Variants in PTPRK observed in about 807,000 individuals in gnomAD.
PTPRK encodes the protein receptor-type tyrosine-protein phosphatase kappa.
In PTPRK, 75 loss-of-function variants were observed where a neutral mutation model predicts 178.0. The ratio of observed to expected loss-of-function variants is 0.42; its 90% CI spans 0.35 to 0.51. The LOEUF is 0.51. Among genes scored for constraint, PTPRK ranks in the 20% least tolerant of loss-of-function variants. The pLI is 0.02. For synonymous variants in PTPRK, 637 were observed against 620.6 expected (o/e 1.03, Z -0.39); for missense variants, 1,441 against 1,797.8 (o/e 0.80, Z 3.59).
At chr6:128,201,505 C>G (rs1446797974) in intron 6 of PTPRK, among the ~76,000 whole-genome samples, 3 of 152,026 alleles carry the variant, frequency 2.0e-5, no homozygotes, top group African/African-American at 7.2e-5. Context: ...CAAATATAAA[C>G]TACATTTGAT....
intron 1 of PTPRK, among the ~76,000 whole-genome samples, chr6:128,445,527 GTA>G (rs773459485): frequency 6.7e-6 from 1 of 149,678 alleles, no homozygotes; most frequent in African/African-American, 2.4e-5. Context: ...TAAAGTATAT[GTA>G]TATATATATA....
intron 1 of PTPRK, among the ~76,000 whole-genome samples, chr6:128,462,232 A>G (rs1268165269): frequency 6.6e-6 from 1 of 152,186 alleles, no homozygotes; most frequent in Admixed American, 6.6e-5. Flanking sequence ...AAAAATCAAT[A>G]AAAGACTCTA....
chr6:128,137,839 AAAGG>A (rs1340482878), intron 7 of PTPRK, among the ~76,000 whole-genome samples: 1 of 152,158 alleles, frequency 6.6e-6, no homozygotes, highest in African/African-American at 2.4e-5. Context: ...TCCAGGCAGT[AAAGG>A]AAGAGCTTAT....
chr6:128,159,366 A>C (rs183274716), intron 7 of PTPRK, among the ~76,000 whole-genome samples: 138 of 151,998 alleles, frequency 9.1e-4, no homozygotes, highest in African/African-American at 3.1e-3. Context: ...TACAAACTAC[A>C]TATAAAAATG....
At chr6:128,140,536 G>C (rs780169416) in intron 7 of PTPRK, among the ~76,000 whole-genome samples, 8 of 151,986 alleles carry the variant, frequency 5.3e-5, no homozygotes, top group Non-Finnish European at 8.8e-5. Context: ...TGAATACATT[G>C]ACTACTGATC....
At chr6:128,064,458 T>A (rs1019489515) in intron 13 of PTPRK, among the ~76,000 whole-genome samples, 3 of 152,224 alleles carry the variant, frequency 2.0e-5, no homozygotes, top group African/African-American at 4.8e-5. Flanking sequence ...CATCTGCTAT[T>A]GCTGACGCTT....
In PTPRK at chr6:128,299,828, T is replaced by C. The variant is rs533423141; in HGVS notation, c.495+22211A>G. On this transcript the variant is annotated intron_variant, in intron 3 of 29. Transcript: ENST00000368226. ...TAGGCATGGGAAAGGACTTCATGTCTAAAACACCAAAAGCAATGGCAACAA... is the reference window on the plus strand; with the variant it reads ...TAGGCATGGGAAAGGACTTCATGTCCAAAACACCAAAAGCAATGGCAACAA... Among the ~76,000 whole-genome samples the C allele has an allele frequency of 2.0e-5, 3 of 152,178 alleles. No individual in the cohort carries two copies. The East Asian group carries it at 5.8e-4, about 29-fold the overall frequency.
chr6:128,093,171 A>C (rs977006564), intron 7 of PTPRK, among the ~76,000 whole-genome samples: 2 of 152,162 alleles, frequency 1.3e-5, no homozygotes, highest in African/African-American at 4.8e-5. Context: ...TCTTTTTTCA[A>C]ATCTTTATTG....
intron 3 of PTPRK, among the ~76,000 whole-genome samples, chr6:128,299,242 C>T (rs1345271441): frequency 6.6e-6 from 1 of 151,672 alleles, no homozygotes; most frequent in South Asian, 2.1e-4. Context: ...AATGGAAGAA[C>T]ATTCCATGCT....
chr6:128,232,520 A>G (rs193238698), intron 5 of PTPRK, among the ~76,000 whole-genome samples: 1 of 152,330 alleles, frequency 6.6e-6, no homozygotes. Flanking sequence ...TGTAGTTTTC[A>G]ACAGCCCTAC....
chr6:128,504,046 A>G (rs1412073533), intron 1 of PTPRK, among the ~76,000 whole-genome samples: 2 of 152,206 alleles, frequency 1.3e-5, no homozygotes, highest in African/African-American at 2.4e-5. Flanking sequence ...CAAGCTTTGA[A>G]GGATATCATA....
intron 5 of PTPRK, among the ~76,000 whole-genome samples, chr6:128,227,339 G>A (rs1811532929): frequency 6.6e-6 from 1 of 152,158 alleles, no homozygotes; most frequent in African/African-American, 2.4e-5. Flanking sequence ...AGATCTGAGG[G>A]ATTCTGGGAA....
intron 13 of PTPRK, among the ~76,000 whole-genome samples, chr6:128,027,227 C>G (rs973597052): frequency 6.6e-6 from 1 of 152,162 alleles, no homozygotes; most frequent in South Asian, 2.1e-4. Flanking sequence ...ATACTGCATA[C>G]AGCAATTCCT....
chr6:128,089,901 C>G lies in PTPRK; in HGVS notation c.1254G>C (p.Thr418=). 1 of 1,612,544 alleles carries G rather than the reference C, an allele frequency of 6.2e-7. No individual in the cohort carries two copies. Among genetic ancestry groups the G allele is most frequent in the Non-Finnish European group, 8.5e-7 (1 of 1,178,602 alleles). The change falls in exon 8 of 30, where the codon ACG becomes ACC. Residue 418 remains threonine, a synonymous_variant. Coordinates refer to ENST00000368226, the MANE Select transcript of PTPRK (RefSeq NM_002844.4). ...VDWESLGYNI[T]RCHTFNVTIC... is the part of the protein sequence containing the mutation. ...TAGTGACATTAAAAGTGTGGCAACG[C>G]GTAATGTTGTAACCCAAGGATTCCC...
At chr6:128,424,955 T>A (rs1843935380) in intron 1 of PTPRK, among the ~76,000 whole-genome samples, 1 of 152,174 alleles carries the variant, frequency 6.6e-6, no homozygotes, top group African/African-American at 2.4e-5. Context: ...TCTTTTTTTT[T>A]TATTTCAATA....
At chr6:127,984,305 G>C (rs1053117208) in intron 22 of PTPRK, among the ~76,000 whole-genome samples, 1 of 152,124 alleles carries the variant, frequency 6.6e-6, no homozygotes, top group Non-Finnish European at 1.5e-5. Flanking sequence ...TCATCCTACA[G>C]TGGTACAGAA....
chr6:128,147,659 T>C (rs553073891), intron 7 of PTPRK, among the ~76,000 whole-genome samples: 150 of 152,272 alleles, frequency 9.9e-4, no homozygotes, highest in African/African-American at 3.4e-3. Context: ...TGGCCACAGA[T>C]TGCTGCAAAT....
chr6:128,386,045 G>T (rs1221891955), intron 2 of PTPRK, among the ~76,000 whole-genome samples: 5 of 151,950 alleles, frequency 3.3e-5, no homozygotes, highest in East Asian at 3.9e-4. Flanking sequence ...CTGTTTTTTT[G>T]ATTGGTATAT....
chr6:128,452,281 A>G (rs1274121401), intron 1 of PTPRK, among the ~76,000 whole-genome samples: 1 of 152,136 alleles, frequency 6.6e-6, no homozygotes, highest in East Asian at 1.9e-4. Flanking sequence ...TTAACTAAGC[A>G]TGGTCATCCG....
Sources: allele counts gnomAD v4.1 joint callset (sites outside exome capture counted in the v4.1 genomes callset), GRCh38; gene constraint gnomAD v4.1.1; transcripts MANE v1.5; gene names NCBI Gene and HGNC (gene_info 2026-07-23, HGNC 2026-07-21).